Variants in AGTRAP observed in about 807,000 individuals in gnomAD.
The protein encoded by AGTRAP is type-1 angiotensin II receptor-associated protein.
In AGTRAP, 7 loss-of-function variants were observed where a neutral mutation model predicts 15.2. The ratio of observed to expected loss-of-function variants is 0.46; its 90% confidence interval spans 0.26 to 0.87. The LOEUF (loss-of-function observed/expected upper bound fraction) is 0.87, where lower values mean the gene tolerates loss of function less well. AGTRAP is among the 40% of genes least tolerant of loss of function. The pLI, the probability that AGTRAP is intolerant of heterozygous loss-of-function variation, is 0.15. For synonymous variants in AGTRAP, 74 were observed against 89.6 expected, an observed-to-expected ratio of 0.83 and a Z score of 0.98; for missense variants, 187 against 213.4, an observed-to-expected ratio of 0.88 and a Z score of 0.77.
At chr1:11,744,842 AAATT>A (rs926167134) in intron 1 of AGTRAP, among the ~76,000 whole-genome samples, 1 of 152,170 alleles carries the variant, frequency 6.6e-6, no homozygotes, top group African/African-American at 2.4e-5. Flanking sequence ...CTTTTTAAAA[AAATT>A]AATTAATTAA....
At chr1:11,742,520 T>G (rs1642058643) in intron 1 of AGTRAP, among the ~76,000 whole-genome samples, 1 of 151,818 alleles carries the variant, frequency 6.6e-6, no homozygotes, top group Admixed American at 6.6e-5. Flanking sequence ...TCTCTTTCTT[T>G]CTTTTCTTTC....
Position 11,736,160 on chromosome 1 carries a change from C to T in AGTRAP, c.-49C>T, listed in dbSNP as rs745853288. The T allele has an allele frequency of 8.9e-6, 14 of 1,578,592 alleles. No homozygotes were observed. In the Admixed American group the frequency reaches 1.5e-4, roughly 17 times the overall value. On this transcript the variant is annotated 5_prime_UTR_variant, in exon 1 of 5. Coordinates refer to ENST00000314340, the MANE Select transcript of AGTRAP (RefSeq NM_020350.5). ...CAAGTTTGTTCCCCGAGTTCGGAGC[C>T]TAGGAGCCCCCCGCGGCTGCGGCGC...
intron 1 of AGTRAP, among the ~76,000 whole-genome samples, chr1:11,738,659 A>G (rs1192174188): frequency 2.0e-5 from 3 of 152,158 alleles, no homozygotes; most frequent in Admixed American, 6.5e-5. Flanking sequence ...AGAAGAGCCA[A>G]CAGCTGTTCT....
intron 3 of AGTRAP, among the ~76,000 whole-genome samples, chr1:11,747,975 G>C (rs569191206): frequency 1.3e-5 from 2 of 152,188 alleles, no homozygotes; most frequent in Admixed American, 1.3e-4. Flanking sequence ...CCTCCCACAG[G>C]GGGAGCTTCT....
intron 1 of AGTRAP, among the ~76,000 whole-genome samples, chr1:11,742,674 A>G (rs6419479): frequency 0.75 from 113,412 of 152,022 alleles, 43,306 homozygotes; most frequent in East Asian, 0.94. Context: ...GGGGCTATAG[A>G]TGTACTCCAC....
intron 3 of AGTRAP, 102 bp downstream of exon 3, chr1:11,747,647 TC>T (rs1352483122): frequency 8.1e-7 from 1 of 1,228,358 alleles, no homozygotes; most frequent in African/African-American, 1.5e-5. Flanking sequence ...TTCCCCCTCT[TC>T]CTTGGGCCAC....
chr1:11,747,300 A>G, intron 2 of AGTRAP, 140 bp from the exon 3 acceptor site: 1 of 756,258 alleles, frequency 1.3e-6, no homozygotes, highest in Non-Finnish European at 2.3e-6. Flanking sequence ...GGCGGAGCCC[A>G]TGGGATTTGC....
chr1:11,749,309 C>T (rs896063297), intron 4 of AGTRAP, among the ~76,000 whole-genome samples: 3 of 152,194 alleles, frequency 2.0e-5, no homozygotes, highest in Non-Finnish European at 2.9e-5. Flanking sequence ...GGCCTTCTGC[C>T]TTTCACTCCT....
chr1:11,736,432 G>T (rs1641898069), intron 1 of AGTRAP, among the ~76,000 whole-genome samples, 197 bp downstream of exon 1: 1 of 152,200 alleles, frequency 6.6e-6, no homozygotes, highest in Admixed American at 6.5e-5. Context: ...AGGCCAGCAG[G>T]GCGACACTGA....
At chr1:11,738,755 C>T (rs6419478) in intron 1 of AGTRAP, among the ~76,000 whole-genome samples, 146,594 of 152,260 alleles carry the variant, frequency 0.96, 70,810 homozygotes, top group Middle Eastern at 1. Context: ...CCAGTACCCA[C>T]GAAGTTAACC....
intron 1 of AGTRAP, among the ~76,000 whole-genome samples, chr1:11,742,128 G>A (rs1044567288): frequency 3.9e-5 from 6 of 152,226 alleles, no homozygotes; most frequent in African/African-American, 9.6e-5. Context: ...CGCCCCCAGC[G>A]GGGAGGTTGG....
At chr1:11,738,865 G>A (rs1641960039) in intron 1 of AGTRAP, among the ~76,000 whole-genome samples, 1 of 152,218 alleles carries the variant, frequency 6.6e-6, no homozygotes, top group Non-Finnish European at 1.5e-5. Flanking sequence ...AGGCCACCAA[G>A]TGTTTGCACA....
At position 11,736,250 on chromosome 1, in the gene AGTRAP, G is replaced by A. The variant is rs769654932; in HGVS notation, c.27+15G>A. On this transcript the variant is annotated intron_variant, in intron 1 of 4. Transcript: ENST00000314340. ...TGAACCTGAAGGTGGCGACGGGCTG[G>A]GGGGAGGGTCCCCTTTGCGGGAGGA... 4 of 1,606,254 alleles carry A rather than the reference G, an allele frequency of 2.5e-6. No homozygotes were observed. Among genetic ancestry groups the A allele is most frequent in the Non-Finnish European group, 3.4e-6 (4 of 1,177,048 alleles).
Position 11,736,163 on chromosome 1 carries a change from G to A in AGTRAP, c.-46G>A. On this transcript the variant is annotated 5_prime_UTR_variant, in exon 1 of 5. Transcript: ENST00000314340. ...GTTTGTTCCCCGAGTTCGGAGCCTA[G>A]GAGCCCCCCGCGGCTGCGGCGCAGG... 3.2e-6 allele frequency: 5 copies of A among 1,582,240 alleles called. No homozygotes were observed. The highest frequency in any genetic ancestry group is 3.4e-6 in the Non-Finnish European group (4 of 1,165,064).
At chr1:11,739,950 C>T (rs890103210) in intron 1 of AGTRAP, among the ~76,000 whole-genome samples, 1 of 152,228 alleles carries the variant, frequency 6.6e-6, no homozygotes, top group African/African-American at 2.4e-5. Flanking sequence ...ACCCAGGTTT[C>T]CTGTTCCAGC....
chr1:11,738,695 T>C (rs2100760810), intron 1 of AGTRAP, among the ~76,000 whole-genome samples: 1 of 152,174 alleles, frequency 6.6e-6, no homozygotes, highest in East Asian at 1.9e-4. Flanking sequence ...TTGCCTAAGG[T>C]CACTAGGTTC....
intron 1 of AGTRAP, 117 bp downstream of exon 1, chr1:11,736,352 G>T: frequency 4.9e-6 from 7 of 1,422,666 alleles, no homozygotes; most frequent in South Asian, 1.3e-5. Context: ...TAGGGAGGAA[G>T]GGAAGGTACA....
intron 1 of AGTRAP, among the ~76,000 whole-genome samples, chr1:11,739,477 G>T (rs139447840): frequency 6.6e-6 from 1 of 152,070 alleles, no homozygotes; most frequent in South Asian, 2.1e-4. Flanking sequence ...ACTTGAACAC[G>T]GGAGGCAGAG....
chr1:11,745,879 C>T lies in AGTRAP; in HGVS notation c.62+42C>T. The T allele has an allele frequency of 6.2e-7, 1 of 1,613,100 alleles. No individual in the cohort carries two copies. The highest frequency in any genetic ancestry group is 1.1e-5 in the South Asian group (1 of 91,062). ...GTATCTTGTGTGTCTCCTGCGGTCTCAGGGTCTGTGTCAGCCGGGTCAGGT... is the reference window on the plus strand; with the variant it reads ...GTATCTTGTGTGTCTCCTGCGGTCTTAGGGTCTGTGTCAGCCGGGTCAGGT... On this transcript the variant is annotated intron_variant, in intron 2 of 4. Coordinates refer to ENST00000314340, the MANE Select transcript of AGTRAP (RefSeq NM_020350.5). The surrounding 1 kb of genome is among the most constrained non-coding windows in gnomAD (Gnocchi z 4.2).
Sources: gnomAD v4.1 joint callset for allele counts (sites outside exome capture counted in the v4.1 genomes callset) on GRCh38, gnomAD v4.1.1 for gene constraint, Gnocchi (gnomAD v3.1) non-coding constraint, MANE v1.5 for transcripts, NCBI Gene and HGNC (gene_info 2026-07-23, HGNC 2026-07-21) for gene names.